The following STXBP5 variants were observed in gnomAD, a reference collection of about 807,000 sequenced individuals.
The protein encoded by STXBP5 is syntaxin binding protein 5.
In STXBP5, 50 loss-of-function variants were observed where a neutral mutation model predicts 152.4. The ratio of observed to expected loss-of-function variants is 0.33; its 90% CI spans 0.26 to 0.42. The LOEUF (loss-of-function observed/expected upper bound fraction) is 0.42, where lower values mean the gene tolerates loss of function less well. Among genes scored for constraint, STXBP5 ranks in the 10% least tolerant of loss-of-function variants. The pLI is 1.00. For synonymous variants in STXBP5, 492 were observed against 494.7 expected (o/e 0.99, Z 0.07); for missense variants, 1,167 against 1,388.6 (o/e 0.84, Z 2.54).
At chr6:147,354,533 T>C (rs1385456776) in intron 22 of STXBP5, among the ~76,000 whole-genome samples, 1 of 152,020 alleles carries the variant, frequency 6.6e-6, no homozygotes, top group Admixed American at 6.6e-5. Context: ...TTTTCCCCTA[T>C]AGCAGAATCC....
chr6:147,265,539 C>A (rs1000861144), intron 6 of STXBP5, among the ~76,000 whole-genome samples: 9 of 151,904 alleles, frequency 5.9e-5, no homozygotes, highest in Non-Finnish European at 1.0e-4. Context: ...TAGACTTAAC[C>A]AGGAAGCAAC....
At chr6:147,256,563 G>A (rs991870308) in intron 4 of STXBP5, among the ~76,000 whole-genome samples, 1 of 152,136 alleles carries the variant, frequency 6.6e-6, no homozygotes, top group Admixed American at 6.5e-5. Flanking sequence ...GAAGCATTAT[G>A]GTAGAAGGGA....
intron 16 of STXBP5, among the ~76,000 whole-genome samples, chr6:147,324,270 T>TTTG (rs1783101517): frequency 8.2e-6 from 1 of 122,368 alleles, no homozygotes; most frequent in Non-Finnish European, 1.7e-5. Flanking sequence ...TTTGGTTTTT[T>TTTG]TTTTTTTTTT....
At chr6:147,253,783 A>G (rs1009458294) in intron 4 of STXBP5, among the ~76,000 whole-genome samples, 2 of 152,222 alleles carry the variant, frequency 1.3e-5, no homozygotes, top group African/African-American at 4.8e-5. Context: ...CCACTCCTCA[A>G]GGAAATAAGA....
chr6:147,377,966 A>G (rs1032714251), intron 26 of STXBP5, among the ~76,000 whole-genome samples: 1 of 152,166 alleles, frequency 6.6e-6, no homozygotes, highest in African/African-American at 2.4e-5. Flanking sequence ...AAGAGAATGT[A>G]ATCTATAACT....
chr6:147,350,422 A>G (rs1784535786), intron 21 of STXBP5, among the ~76,000 whole-genome samples: 1 of 152,170 alleles, frequency 6.6e-6, no homozygotes, highest in African/African-American at 2.4e-5. Flanking sequence ...GAATGAAAGC[A>G]TAAATATGTT....
At chr6:147,344,787 A>G (rs186001399) in intron 21 of STXBP5, among the ~76,000 whole-genome samples, 311 of 117,334 alleles carry the variant, frequency 2.7e-3, no homozygotes, top group African/African-American at 9.3e-3. Flanking sequence ...CAAGGATACA[A>G]TTCATTCCGT....
intron 25 of STXBP5, among the ~76,000 whole-genome samples, chr6:147,373,363 C>CA (rs11341887): frequency 0.028 from 1,895 of 67,480 alleles, 51 homozygotes; most frequent in African/African-American, 0.031. Flanking sequence ...GAGACTGTCT[C>CA]AAAAAAAAAA....
At chr6:147,313,003 A>G (rs1259030844) in intron 11 of STXBP5, among the ~76,000 whole-genome samples, 1 of 152,188 alleles carries the variant, frequency 6.6e-6, no homozygotes, top group Non-Finnish European at 1.5e-5. Flanking sequence ...TCACTGAGCT[A>G]AGGAAATAAT....
chr6:147,263,130 A>G (rs912512455), intron 6 of STXBP5, among the ~76,000 whole-genome samples: 1 of 151,904 alleles, frequency 6.6e-6, no homozygotes, highest in African/African-American at 2.4e-5. Flanking sequence ...GAGCTGATAT[A>G]TTGTTTAACA....
At chr6:147,266,842 C>T (rs374846416) in intron 6 of STXBP5, among the ~76,000 whole-genome samples, 3 of 152,056 alleles carry the variant, frequency 2.0e-5, no homozygotes, top group African/African-American at 7.2e-5. Context: ...CAAAATGGTA[C>T]TGTTTTTGTT....
At chr6:147,274,046 A>G (rs1168435941) in intron 7 of STXBP5, among the ~76,000 whole-genome samples, 4 of 151,750 alleles carry the variant, frequency 2.6e-5, no homozygotes, top group Non-Finnish European at 5.9e-5. Flanking sequence ...GTGTATATTC[A>G]TGGAAGCATT....
chr6:147,363,893 C>A, intron 24 of STXBP5, 108 bp from the exon 25 acceptor site: 1 of 1,393,306 alleles, frequency 7.2e-7, no homozygotes, highest in Non-Finnish European at 9.7e-7. Flanking sequence ...CTCAAGTATA[C>A]AAACTAAATC....
At chr6:147,362,937 C>T (rs1785129996) in intron 23 of STXBP5, among the ~76,000 whole-genome samples, 1 of 152,214 alleles carries the variant, frequency 6.6e-6, no homozygotes, top group African/African-American at 2.4e-5. Context: ...TCTGCAGCCA[C>T]ATGTGGCCCC....
chr6:147,227,704 T>C (rs1777788023), intron 2 of STXBP5, among the ~76,000 whole-genome samples: 1 of 152,180 alleles, frequency 6.6e-6, no homozygotes, highest in Admixed American at 6.5e-5. Context: ...GTTTCCTTTT[T>C]CTTCCTCCTT....
Position 147,304,224 on chromosome 6 carries a change from C to T in STXBP5, c.918-5860C>T, listed in dbSNP as rs190660544. ...TCGAGGGCCAGATCCAGGGTCTTGC[C>T]GCTTTGTGCAGTCTCTGGACTTGGT... is the stretch of plus-strand genomic sequence containing the variant. On this transcript the variant is annotated intron_variant, in intron 9 of 27. Transcript: ENST00000321680. Among the ~76,000 whole-genome samples, 63 of 152,282 alleles carry T rather than the reference C, an allele frequency of 4.1e-4. No individual in the cohort carries two copies. The East Asian group carries it at 4.6e-3, about 11-fold the overall frequency.
chr6:147,317,759 C>T lies in STXBP5; in HGVS notation c.1802+1352C>T, dbSNP rs556593370. Reference sequence around the variant, plus strand: ...ACTGTAGTTCTAGCACATGTTTTAACTAGAATGAGACTTGGGAATACAGAA... The same window carrying T: ...ACTGTAGTTCTAGCACATGTTTTAATTAGAATGAGACTTGGGAATACAGAA... On this transcript the variant is annotated intron_variant, in intron 16 of 27. Coordinates refer to ENST00000321680, the MANE Select transcript of STXBP5 (RefSeq NM_001127715.4). 5.1e-4 allele frequency among the ~76,000 whole-genome samples: 77 copies of T among 152,276 alleles called. 2 individuals are homozygous for T. In the South Asian group the frequency reaches 7.0e-3, roughly 14 times the overall value.
intron 22 of STXBP5, among the ~76,000 whole-genome samples, chr6:147,358,377 A>G (rs532303881): frequency 6.6e-6 from 1 of 152,298 alleles, no homozygotes; most frequent in South Asian, 2.1e-4. Context: ...AGAAGGTGCC[A>G]AGGGCTAAGC....
intron 7 of STXBP5, among the ~76,000 whole-genome samples, chr6:147,270,243 C>T (rs771277984): frequency 1.3e-5 from 2 of 151,400 alleles, no homozygotes; most frequent in Admixed American, 1.3e-4. Context: ...CTAAAAAATA[C>T]AAAAAATTAG....
Sources: gnomAD v4.1 joint callset for allele counts (sites outside exome capture counted in the v4.1 genomes callset) on GRCh38, gnomAD v4.1.1 for gene constraint, MANE v1.5 for transcripts, NCBI Gene and HGNC (gene_info 2026-07-23, HGNC 2026-07-21) for gene names.